Variants in APLP2 observed in about 807,000 individuals in gnomAD.
APLP2 encodes the protein CDEI box-binding protein.
APLP2 carries 53 observed loss-of-function variants against 89.9 expected under a neutral mutation model. The ratio of observed to expected loss-of-function variants is 0.59; its 90% confidence interval spans 0.47 to 0.74. APLP2 has a LOEUF of 0.74. APLP2 is among the 30% of genes least tolerant of loss of function. The probability of loss-of-function intolerance (pLI) is 0.00; values close to 1 mark genes in which losing one functional copy is unlikely to be tolerated. For synonymous variants in APLP2, 372 were observed against 348.6 expected, an observed-to-expected ratio of 1.07 and a Z score of -0.75; for missense variants, 973 against 975.9, an observed-to-expected ratio of 1.00 and a Z score of 0.04.
chr11:130,120,919 C>T, intron 4 of APLP2, 101 bp downstream of exon 4: 3 of 790,910 alleles, frequency 3.8e-6, no homozygotes, highest in Non-Finnish European at 6.6e-6. Context: ...AGTTATGTTT[C>T]CCCCATTATC....
rs1348057906 is a variant in APLP2 at position 130,070,022 on chromosome 11, C to T, written c.45C>T (p.Leu15=). The T allele has an allele frequency of 6.6e-7, 1 of 1,512,196 alleles. No homozygotes were observed. The highest frequency in any genetic ancestry group is 8.8e-7 in the Non-Finnish European group (1 of 1,137,120). 93.7% of individuals were successfully genotyped at this position (1,512,196 alleles called of 1,614,324 possible). A position where few individuals can be genotyped will look rare whatever the true frequency, so the allele number is the denominator to read the frequency against. Residue 15 remains leucine, a synonymous_variant, in exon 1 of 17, where the codon CTC becomes CTT. Coordinates refer to ENST00000338167, the MANE Select transcript of APLP2 (RefSeq NM_001142276.2). ...GTAAAAATGR[L]LLLLLVGLTA... ...CGGCCGCCGCAGCCACGGGCAGGCT[C>T]CTGCTTCTGCTGCTGGTGGGGCTCA...
intron 1 of APLP2, chr11:130,070,707 G>A: frequency 6.8e-7 from 1 of 1,477,296 alleles, no homozygotes. Flanking sequence ...TTTAAGTGGC[G>A]CTGTTTGCCT....
intron 1 of APLP2, among the ~76,000 whole-genome samples, chr11:130,080,607 C>T (rs983719619): frequency 2.0e-5 from 3 of 151,952 alleles, no homozygotes; most frequent in African/African-American, 7.3e-5. Flanking sequence ...CCTGAGGACA[C>T]TAGCAATCCA....
intron 6 of APLP2, 72 bp downstream of exon 6, chr11:130,122,585 G>T: frequency 1.3e-6 from 2 of 1,590,348 alleles, no homozygotes; most frequent in Non-Finnish European, 1.7e-6. Flanking sequence ...CATTGCGTCT[G>T]TCACAGGTAA....
chr11:130,135,628 G>C lies in APLP2; in HGVS notation c.1750G>C (p.Val584Leu). The C allele has an allele frequency of 6.2e-7, 1 of 1,614,190 alleles. No individual in the cohort carries two copies. The highest frequency in any genetic ancestry group is 1.1e-5 in the South Asian group (1 of 91,086). Residue 584 changes from valine (V) to leucine (L), a missense_variant, in exon 13 of 17, where the codon GTG (valine) becomes CTG (leucine). Coordinates refer to ENST00000338167, the MANE Select transcript of APLP2 (RefSeq NM_001142276.2). ...QFTASISETP[V>L]DVRVSSEESE... ...CACTGCCTCAATCTCAGAGACCCCT[G>C]TGGACGTCCGGGTGAGCTCTGAGGA...
intron 10 of APLP2, 152 bp from the exon 11 acceptor site, chr11:130,129,886 C>CT: frequency 1.2e-6 from 1 of 823,858 alleles, no homozygotes; most frequent in Admixed American, 2.6e-5. Context: ...TTTTTTGTTA[C>CT]TTGGTAAGCT....
intron 3 of APLP2, 35 bp from the exon 4 acceptor site, chr11:130,120,671 G>A (rs764242969): frequency 4.6e-6 from 7 of 1,513,224 alleles, no homozygotes; most frequent in Non-Finnish European, 6.4e-6. Context: ...TGAAATCATG[G>A]TCAGATCCGC....
At chr11:130,111,122 C>T (rs948933183) in intron 3 of APLP2, among the ~76,000 whole-genome samples, 10 of 152,008 alleles carry the variant, frequency 6.6e-5, no homozygotes, top group Non-Finnish European at 1.3e-4. Flanking sequence ...TCAAGGGTAC[C>T]GGGGCCAGGG....
In APLP2 at chr11:130,130,023, T is replaced by C. The variant is rs760474741; in HGVS notation, c.1456-15T>C. 1.2e-6 allele frequency: 2 copies of C among 1,613,188 alleles called. No homozygotes were observed. The highest frequency in any genetic ancestry group is 3.3e-5 in the Admixed American group (2 of 59,910). ...TCTAGTCTCTGGATATTAAAACAAC[T>C]GTTCTCTCTTGCAGCCTCATCGCAT... On this transcript the variant is annotated splice_polypyrimidine_tract_variant and intron_variant, in intron 10 of 16. Transcript: ENST00000338167.
At chr11:130,105,627 G>A (rs1237615913) in intron 1 of APLP2, among the ~76,000 whole-genome samples, 2 of 151,382 alleles carry the variant, frequency 1.3e-5, no homozygotes, top group Non-Finnish European at 2.9e-5. Flanking sequence ...ATAACCACGA[G>A]TAATGGATGT....
chr11:130,085,699 T>C (rs1565555217), intron 1 of APLP2, among the ~76,000 whole-genome samples: 1 of 152,190 alleles, frequency 6.6e-6, no homozygotes, highest in Non-Finnish European at 1.5e-5. Context: ...TCCAGTACTT[T>C]TTCATCCAAA....
intron 7 of APLP2, 56 bp from the exon 8 acceptor site, chr11:130,126,644 C>T: frequency 6.2e-7 from 1 of 1,602,102 alleles, no homozygotes; most frequent in African/African-American, 1.3e-5. Flanking sequence ...GGGTTTTCTT[C>T]CTAGAGCACA....
intron 1 of APLP2, among the ~76,000 whole-genome samples, chr11:130,090,970 G>A (rs879411698): frequency 2.2e-4 from 33 of 147,986 alleles, no homozygotes; most frequent in African/African-American, 6.6e-4. Flanking sequence ...CCTCCCGGAC[G>A]GGGCGGCTGG....
intron 1 of APLP2, among the ~76,000 whole-genome samples, chr11:130,073,957 C>G (rs12420010): frequency 6.6e-6 from 1 of 152,096 alleles, no homozygotes; most frequent in Admixed American, 6.5e-5. Context: ...ATTTGCTTTA[C>G]TACTGCATTT....
chr11:130,085,070 C>G (rs998874832), intron 1 of APLP2, among the ~76,000 whole-genome samples: 1 of 152,166 alleles, frequency 6.6e-6, no homozygotes, highest in Admixed American at 6.5e-5. Flanking sequence ...TTTCTAAAAA[C>G]GTGCAAACTA....
intron 1 of APLP2, among the ~76,000 whole-genome samples, chr11:130,095,195 T>G (rs1380423353): frequency 6.6e-6 from 1 of 152,140 alleles, no homozygotes; most frequent in East Asian, 1.9e-4. Flanking sequence ...ACCAGTAAGA[T>G]TCTGTCTCTA....
chr11:130,115,498 A>C (rs1949061951), intron 3 of APLP2, among the ~76,000 whole-genome samples: 1 of 152,242 alleles, frequency 6.6e-6, no homozygotes, highest in African/African-American at 2.4e-5. Flanking sequence ...CACAGGGATG[A>C]TTAGAAATTG....
intron 1 of APLP2, among the ~76,000 whole-genome samples, chr11:130,074,037 A>G (rs1447463774): frequency 6.6e-6 from 1 of 152,156 alleles, no homozygotes; most frequent in African/African-American, 2.4e-5. Context: ...GAACTTCAGT[A>G]TATATTTTCT....
chr11:130,133,323 A>G (rs1344619805), intron 11 of APLP2, among the ~76,000 whole-genome samples: 1 of 152,058 alleles, frequency 6.6e-6, no homozygotes, highest in Non-Finnish European at 1.5e-5. Context: ...GGGTTTCATC[A>G]TGTTGACCAG....
Sources: gnomAD v4.1 joint callset for allele counts (sites outside exome capture counted in the v4.1 genomes callset) on GRCh38, gnomAD v4.1.1 for gene constraint, MANE v1.5 for transcripts, NCBI Gene and HGNC (gene_info 2026-07-23, HGNC 2026-07-21) for gene names.